CSMD1: variants seen among roughly 807,000 people sequenced by gnomAD.
CSMD1 encodes the protein CUB and Sushi multiple domains 1.
CSMD1 carries 213 observed loss-of-function variants against 417.5 expected under a neutral mutation model. That is an observed-to-expected ratio of 0.51 (90% CI 0.46 to 0.57). The LOEUF (loss-of-function observed/expected upper bound fraction) is 0.57. CSMD1 is among the 20% of genes least tolerant of loss of function. CSMD1 has a pLI of 0.00. For synonymous variants in CSMD1, 2,862 were observed against 1,736.8 expected (o/e 1.65, Z -16.11); for missense variants, 6,923 against 4,529.7 (o/e 1.53, Z -15.17).
chr8:4,391,557 G>A (rs183252486), intron 3 of CSMD1, among the ~76,000 whole-genome samples: 3 of 152,114 alleles, frequency 2.0e-5, no homozygotes, highest in Non-Finnish European at 2.9e-5. Context: ...GAGTAGGTAA[G>A]ACTTGGCCAG....
chr8:3,409,928 T>C (rs1306980643), intron 12 of CSMD1, among the ~76,000 whole-genome samples: 1 of 152,252 alleles, frequency 6.6e-6, no homozygotes, highest in Non-Finnish European at 1.5e-5. Flanking sequence ...CAATTGCTAC[T>C]ACTAAAATGC....
intron 1 of CSMD1, among the ~76,000 whole-genome samples, chr8:4,677,152 T>G (rs1805747611): frequency 1.3e-5 from 2 of 148,694 alleles, no homozygotes; most frequent in South Asian, 4.2e-4. Context: ...ATATATACAT[T>G]ATATCTCTAT....
chr8:4,565,278 G>C (rs533489762), intron 2 of CSMD1, among the ~76,000 whole-genome samples: 1 of 152,216 alleles, frequency 6.6e-6, no homozygotes, highest in South Asian at 2.1e-4. Flanking sequence ...AATATTGAGT[G>C]AACAAGTGTA....
In CSMD1 at chr8:3,659,682, A is replaced by G. The variant is rs147593025; in HGVS notation, c.1010-42885T>C. Among the ~76,000 whole-genome samples, 492 of 152,294 alleles carry G rather than the reference A, an allele frequency of 3.2e-3. 2 individuals are homozygous for G. The highest frequency in any genetic ancestry group is 0.011 in the African/African-American group (463 of 41,556). The stretch of plus-strand genomic sequence containing the variant: ...AGAAAATACTGCTGTTTCTGTTAAC[A>G]ATATGGGCTTTCCAAACAAGCTCAA... On this transcript the variant is annotated intron_variant, in intron 7 of 69. Transcript: ENST00000635120.
chr8:3,679,136 C>A (rs12541928), intron 7 of CSMD1, among the ~76,000 whole-genome samples: 24,040 of 151,960 alleles, frequency 0.16, 2,158 homozygotes, highest in East Asian at 0.3. Context: ...CTAATGAGCA[C>A]AATAACCAGC....
At chr8:3,615,736 C>A (rs1802104726) in intron 8 of CSMD1, among the ~76,000 whole-genome samples, 1 of 152,128 alleles carries the variant, frequency 6.6e-6, no homozygotes, top group Non-Finnish European at 1.5e-5. Context: ...ACTTCAGCAG[C>A]CTTAGCTCTG....
intron 3 of CSMD1, among the ~76,000 whole-genome samples, chr8:4,096,306 A>G (rs1036020663): frequency 3.9e-5 from 6 of 152,062 alleles, no homozygotes; most frequent in African/African-American, 1.4e-4. Context: ...GGATCACCAC[A>G]TTTGTCTGCA....
intron 7 of CSMD1, among the ~76,000 whole-genome samples, chr8:3,652,486 G>T (rs1416300203): frequency 6.6e-6 from 1 of 152,210 alleles, no homozygotes; most frequent in East Asian, 1.9e-4. Context: ...CCTGAGACTG[G>T]GTATTTTATA....
At chr8:3,862,553 C>T (rs906389602) in intron 5 of CSMD1, among the ~76,000 whole-genome samples, 19 of 152,332 alleles carry the variant, frequency 1.2e-4, no homozygotes, top group African/African-American at 4.3e-4. Context: ...TTGAGATTTT[C>T]AGCACCTGTA....
chr8:4,137,908 C>T (rs1020623153), intron 3 of CSMD1, among the ~76,000 whole-genome samples: 3 of 151,938 alleles, frequency 2.0e-5, no homozygotes, highest in Admixed American at 6.5e-5. Flanking sequence ...GATGAAGTCT[C>T]GCTCTGTCGC....
intron 3 of CSMD1, among the ~76,000 whole-genome samples, chr8:4,247,337 G>A (rs1301246015): frequency 2.0e-5 from 3 of 152,104 alleles, no homozygotes; most frequent in Non-Finnish European, 4.4e-5. Context: ...ATACCACATA[G>A]AGTGCTGCTG....
chr8:4,536,766 A>AT lies in CSMD1; in HGVS notation c.302+100575_302+100576insA, dbSNP rs1237401851. 2.6e-5 allele frequency among the ~76,000 whole-genome samples: 4 copies of AT among 152,212 alleles called. No homozygotes were observed. The East Asian group carries it at 5.8e-4, about 22-fold the overall frequency. On this transcript the variant is annotated intron_variant, in intron 2 of 69. Transcript: ENST00000635120. ...ATATATTTTTGAATAGATTCCTGGAACTTATCTGCTGTGTCAGATCATAGC... is the reference window on the plus strand; with the variant it reads ...ATATATTTTTGAATAGATTCCTGGAATCTTATCTGCTGTGTCAGATCATAGC...
At chr8:3,504,805 G>A (rs959145535) in intron 10 of CSMD1, among the ~76,000 whole-genome samples, 2 of 152,160 alleles carry the variant, frequency 1.3e-5, no homozygotes, top group African/African-American at 4.8e-5. Flanking sequence ...TGCTTGAGGA[G>A]TAAGGTGAGA....
Position 3,284,783 on chromosome 8 carries a change from C to A in CSMD1, c.3951-437G>T, listed in dbSNP as rs144416450. 4.4e-3 allele frequency: 725 copies of A among 165,770 alleles called. 9 individuals are homozygous for A. The highest frequency in any genetic ancestry group is 0.016 in the African/African-American group (681 of 41,970). The allele number at this position is 165,770 out of a possible 1,614,324, so 10.3% of individuals were successfully genotyped here. The stretch of plus-strand genomic sequence containing the variant: ...CCCCGCTAGGTGGCAGCAGCCACAG[C>A]AGGAGAAAAGAGCTTACTCCATTAC... On this transcript the variant is annotated intron_variant, in intron 25 of 69. Coordinates refer to ENST00000635120, the MANE Select transcript of CSMD1 (RefSeq NM_033225.6).
chr8:3,591,899 TGGAG>T (rs1438418563), intron 8 of CSMD1, among the ~76,000 whole-genome samples: 1 of 151,910 alleles, frequency 6.6e-6, no homozygotes, highest in Admixed American at 6.6e-5. Context: ...GATAGCTGGA[TGGAG>T]GAATATATGG....
chr8:3,906,237 T>C (rs1194723926), intron 5 of CSMD1, among the ~76,000 whole-genome samples: 1 of 152,036 alleles, frequency 6.6e-6, no homozygotes, highest in South Asian at 2.1e-4. Flanking sequence ...CAAAATGCCA[T>C]AGCATTGCAT....
intron 2 of CSMD1, among the ~76,000 whole-genome samples, chr8:4,605,563 T>C (rs1800821633): frequency 6.6e-6 from 1 of 152,224 alleles, no homozygotes; most frequent in African/African-American, 2.4e-5. Flanking sequence ...AATTATCTTT[T>C]CTCTAAAGAC....
chr8:4,083,017 T>C (rs1450775861), intron 3 of CSMD1, among the ~76,000 whole-genome samples: 2 of 152,102 alleles, frequency 1.3e-5, no homozygotes, highest in East Asian at 1.9e-4. Flanking sequence ...TCTATCATTG[T>C]TGGACATTTG....
chr8:4,412,717 A>T (rs1173825334), intron 3 of CSMD1, among the ~76,000 whole-genome samples: 1 of 152,184 alleles, frequency 6.6e-6, no homozygotes, highest in African/African-American at 2.4e-5. Flanking sequence ...ATAAAGACAT[A>T]GTGAAAAGTT....
Sources: gnomAD v4.1 joint callset for allele counts (sites outside exome capture counted in the v4.1 genomes callset) on GRCh38, gnomAD v4.1.1 for gene constraint, MANE v1.5 for transcripts, NCBI Gene and HGNC (gene_info 2026-07-23, HGNC 2026-07-21) for gene names.